The following ZNF576 variants were observed in gnomAD, a reference collection of about 807,000 sequenced individuals.
The protein encoded by ZNF576 is zinc finger protein 576.
In ZNF576, 9 loss-of-function variants were observed where a neutral mutation model predicts 10.8. The observed-to-expected ratio is 0.84, with a 90% CI of 0.50 to 1.46. ZNF576 has a LOEUF of 1.46. Among genes scored for constraint, ZNF576 ranks in the 40% most tolerant of loss-of-function variants. The pLI is 0.00. For synonymous variants in ZNF576, 88 were observed against 89.6 expected (o/e 0.98, Z 0.10); for missense variants, 191 against 233.7 (o/e 0.82, Z 1.19).
chr19:43,598,705 C>T, intron 2 of ZNF576, 126 bp from the exon 3 acceptor site: 1 of 797,584 alleles, frequency 1.3e-6, no homozygotes, highest in South Asian at 1.9e-5. Context: ...GTTTGGTTGT[C>T]CAGCATTAGC....
chr19:43,599,867 G>A lies in ZNF576; in HGVS notation c.*609G>A, dbSNP rs191807924. 3.3e-5 allele frequency: 5 copies of A among 152,308 alleles called. No individual in the cohort carries two copies. The highest frequency in any genetic ancestry group is 4.1e-4 in the South Asian group (2 of 4,834). The allele number at this position is 152,308 out of a possible 1,614,324, so 9.4% of individuals were successfully genotyped here. On this transcript the variant is annotated 3_prime_UTR_variant, in exon 3 of 3. Coordinates refer to ENST00000336564, the MANE Select transcript of ZNF576 (RefSeq NM_001145347.2). ...TGGCACTAGTCCCCCGATAATTTAT[G>A]TCTCGTTGAAATAATTTTGTATATC...
In ZNF576 at chr19:43,599,034, G is replaced by A. The variant is rs758729073; in HGVS notation, c.289G>A (p.Ala97Thr). ...ITHQRSHGPA[A>T]KPTLPVATTT... ...CCACCAGCGCAGCCACGGTCCAGCC[G>A]CCAAGCCCACCCTGCCGGTTGCAAC... Residue 97 changes from alanine to threonine, a missense_variant, in exon 3 of 3, where the codon GCC becomes ACC. Transcript: ENST00000336564. 1.8e-5 allele frequency: 29 copies of A among 1,613,974 alleles called. No individual in the cohort carries two copies. The highest frequency in any genetic ancestry group is 1.2e-4 in the South Asian group (11 of 91,084).
intron 2 of ZNF576, among the ~76,000 whole-genome samples, chr19:43,598,055 G>C (rs773845089): frequency 3.9e-5 from 6 of 152,212 alleles, no homozygotes; most frequent in Non-Finnish European, 8.8e-5. Flanking sequence ...TCTATGATTG[G>C]CTATCGTAAT....
At chr19:43,596,995 G>A in intron 1 of ZNF576, 99 bp from the exon 2 acceptor site, 1 of 922,680 alleles carries the variant, frequency 1.1e-6, no homozygotes, top group East Asian at 2.5e-5. Context: ...GGCAGGCAAG[G>A]AGAGCCTCTG....
rs767448658 is a variant in ZNF576 at position 43,598,921 on chromosome 19, C to A, written c.176C>A (p.Ala59Glu). ...QERHMKREHP[A>E]DFVAQKLQGV... ...CGTCACATGAAGCGGGAGCACCCAG[C>A]GGACTTCGTGGCCCAGAAGCTGCAG... The change falls in exon 3 of 3, where the codon GCG (alanine) becomes GAG (glutamate). Residue 59 changes from alanine to glutamate, a missense_variant. Coordinates refer to ENST00000336564, the MANE Select transcript of ZNF576 (RefSeq NM_001145347.2). The A allele has an allele frequency of 6.2e-7, 1 of 1,613,210 alleles. No homozygotes were observed. Among genetic ancestry groups the A allele is most frequent in the East Asian group, 2.2e-5 (1 of 44,878 alleles).
At position 43,599,098 on chromosome 19, in the gene ZNF576, G is replaced by C; in HGVS notation, c.353G>C (p.Gly118Ala). 6.2e-7 allele frequency: 1 copy of C among 1,614,210 alleles called. No homozygotes were observed. The change falls in exon 3 of 3, where the codon GGC becomes GCC. Residue 118 changes from glycine to alanine, a missense_variant. By Grantham distance (60) the Gly-to-Ala change is moderately conservative (BLOSUM62 0). Transcript: ENST00000336564. ...CCCACCTTCCCTTGTCCTGACTGTG[G>C]CAAGACCTTTGGGCAGGCTGTTTCT... ...AQPTFPCPDC[G>A]KTFGQAVSLR...
At chr19:43,596,495 G>C (rs1973143975), upstream of ZNF576, 1 of 152,372 alleles carries the variant, frequency 6.6e-6, no homozygotes, top group South Asian at 2.0e-4. Flanking sequence ...AACCACGGGG[G>C]CCCTGAGACT....
intron 2 of ZNF576, 43 bp downstream of exon 2, chr19:43,597,236 G>A: frequency 6.4e-7 from 1 of 1,567,500 alleles, no homozygotes. Flanking sequence ...GTGGGGTGCA[G>A]GAGCTGATGC....
rs562198857 is a variant in ZNF576, at chr19:43,597,804, G to C, written c.85+611G>C. ...AAACTGGGAACTGAGGCAGAGAGAG[G>C]TATTTGTAACAAGAGCTGTAGTCTC... On this transcript the variant is annotated intron_variant, in intron 2 of 2. Coordinates refer to ENST00000336564, the MANE Select transcript of ZNF576 (RefSeq NM_001145347.2). Among the ~76,000 whole-genome samples, 287 of 152,224 alleles carry C rather than the reference G, an allele frequency of 1.9e-3. 1 individual carries two copies. Among genetic ancestry groups the C allele is most frequent in the Middle Eastern group, 0.01 (3 of 294 alleles).
chr19:43,597,095 A>C lies in ZNF576; in HGVS notation c.-14A>C, dbSNP rs1458610042. ...TATGCACGCTCCTCTCCTGACTAGA[A>C]GGGTCCCAGCACCATGGAGGACCCG... is the stretch of plus-strand genomic sequence containing the variant. On this transcript the variant is annotated splice_region_variant and 5_prime_UTR_variant, in exon 2 of 3. Coordinates refer to ENST00000336564, the MANE Select transcript of ZNF576 (RefSeq NM_001145347.2). 1.2e-6 allele frequency: 2 copies of C among 1,613,664 alleles called. No individual in the cohort carries two copies. Among genetic ancestry groups the C allele is most frequent in the African/African-American group, 2.7e-5 (2 of 74,894 alleles).
chr19:43,599,290 G>A lies in ZNF576; in HGVS notation c.*32G>A, dbSNP rs1973185123. The stretch of plus-strand genomic sequence containing the variant: ...CTTAAGCCTCTCCACGGTGACGGGT[G>A]GCTCTGTGGCTGGTAGGACTCACCC... On this transcript the variant is annotated 3_prime_UTR_variant, in exon 3 of 3. Coordinates refer to ENST00000336564, the MANE Select transcript of ZNF576 (RefSeq NM_001145347.2). 1.1e-5 allele frequency: 17 copies of A among 1,586,492 alleles called. No homozygotes were observed. Among genetic ancestry groups the A allele is most frequent in the Middle Eastern group, 1.7e-4 (1 of 5,962 alleles).
At chr19:43,597,285 G>C in intron 2 of ZNF576, 92 bp downstream of exon 2, 1 of 1,188,954 alleles carries the variant, frequency 8.4e-7, no homozygotes, top group South Asian at 1.2e-5. Flanking sequence ...AGGCGCCACA[G>C]AGTTTTGCCT....
In ZNF576 at chr19:43,600,068, G is replaced by A. The variant is rs2146106912; in HGVS notation, c.*810G>A. 6.6e-6 allele frequency: 1 copy of A among 152,348 alleles called. No homozygotes were observed. The highest frequency in any genetic ancestry group is 1.9e-4 in the East Asian group (1 of 5,184). 9.4% of individuals were successfully genotyped at this position (152,348 alleles called of 1,614,324 possible). A position where few individuals can be genotyped will look rare whatever the true frequency, so the allele number is the denominator to read the frequency against. On this transcript the variant is annotated 3_prime_UTR_variant, in exon 3 of 3. Coordinates refer to ENST00000336564, the MANE Select transcript of ZNF576 (RefSeq NM_001145347.2). ...GGTGTGGGCAGGTGGGGGAACTCAG[G>A]CCAGAGTTGGCCTCGCTTTGTGGGG... is the stretch of plus-strand genomic sequence containing the variant.
rs1229801927 is a variant in ZNF576, at chr19:43,600,946, C to T, written c.*1688C>T. 1 of 152,146 alleles carries T rather than the reference C, an allele frequency of 6.6e-6. No individual in the cohort carries two copies. The highest frequency in any genetic ancestry group is 1.5e-5 in the Non-Finnish European group (1 of 68,038). 9.4% of individuals were successfully genotyped at this position (152,146 alleles called of 1,614,324 possible). Reference sequence around the variant, plus strand: ...TCAGACCATAAGGATAAGAGCAACACGTGGGAAGACAGAGCAACAAGATAG... The same window carrying T: ...TCAGACCATAAGGATAAGAGCAACATGTGGGAAGACAGAGCAACAAGATAG... On this transcript the variant is annotated 3_prime_UTR_variant, in exon 3 of 3. Coordinates refer to ENST00000336564, the MANE Select transcript of ZNF576 (RefSeq NM_001145347.2).
chr19:43,597,140 A>G lies in ZNF576; in HGVS notation c.32A>G (p.Lys11Arg). 6.2e-7 allele frequency: 1 copy of G among 1,614,096 alleles called. No individual in the cohort carries two copies. The change falls in exon 2 of 3, where the codon AAG (lysine) becomes AGG (arginine). Residue 11 changes from lysine to arginine, a missense_variant. Lys to Arg is a conservative substitution (Grantham distance 26). Coordinates refer to ENST00000336564, the MANE Select transcript of ZNF576 (RefSeq NM_001145347.2). MEDPNPEENM[K>R]QQDSPKERSP... is the part of the protein sequence containing the mutation. ...GACCCGAACCCTGAAGAGAACATGA[A>G]GCAGCAGGATTCACCCAAGGAGAGA... is the stretch of plus-strand genomic sequence containing the variant.
At position 43,598,858 on chromosome 19, in the gene ZNF576, G is replaced by A. The variant is rs2240932; in HGVS notation, c.113G>A (p.Arg38His). ...CACCTGGGGGCCCCGAAGTGCACCC[G>A]CTGCCTCATCACCTTCGCAGATTCC... ...ICHLGAPKCTRCLITFADSKF... is the reference protein window; with the variant it reads ...ICHLGAPKCTHCLITFADSKF... Residue 38 changes from arginine (R) to histidine (H), a missense_variant, in exon 3 of 3, where the codon CGC becomes CAC. Coordinates refer to ENST00000336564, the MANE Select transcript of ZNF576 (RefSeq NM_001145347.2). 1,738 of 1,574,626 alleles carry A rather than the reference G, an allele frequency of 1.1e-3. 15 individuals are homozygous for A. In the East Asian group the frequency reaches 0.022, roughly 20 times the overall value.
chr19:43,598,692 C>T, intron 2 of ZNF576, 139 bp from the exon 3 acceptor site: 1 of 722,966 alleles, frequency 1.4e-6, no homozygotes, highest in Non-Finnish European at 2.3e-6. Context: ...GAACAGTTCT[C>T]CTGTTTGGTT....
rs1973190033 is a variant in ZNF576, at chr19:43,599,654, A to C, written c.*396A>C. Reference sequence around the variant, plus strand: ...CCTGGACCTTTGCCTGAATGGGGGCAGGAAAGGTGAGGTGTTGCTGGCCTG... The same window carrying C: ...CCTGGACCTTTGCCTGAATGGGGGCCGGAAAGGTGAGGTGTTGCTGGCCTG... On this transcript the variant is annotated 3_prime_UTR_variant, in exon 3 of 3. Transcript: ENST00000336564. 5.6e-6 allele frequency: 1 copy of C among 179,602 alleles called. No homozygotes were observed. Among genetic ancestry groups the C allele is most frequent in the Non-Finnish European group, 1.2e-5 (1 of 85,688 alleles). The allele number at this position is 179,602 out of a possible 1,614,324, so 11.1% of individuals were successfully genotyped here. A position where few individuals can be genotyped will look rare whatever the true frequency, so the allele number is the denominator to read the frequency against.
rs1481753290 is a variant in ZNF576, at chr19:43,598,740, C to G, written c.86-91C>G. Reference sequence around the variant, plus strand: ...CATAGAACCTAGCACATAACACATTCAATGTTAATTGTTGGTGTGATTCTG... The same window carrying G: ...CATAGAACCTAGCACATAACACATTGAATGTTAATTGTTGGTGTGATTCTG... On this transcript the variant is annotated intron_variant, in intron 2 of 2. Coordinates refer to ENST00000336564, the MANE Select transcript of ZNF576 (RefSeq NM_001145347.2). 47 of 1,060,748 alleles carry G rather than the reference C, an allele frequency of 4.4e-5. 1 individual carries two copies. In the South Asian group the frequency reaches 6.3e-4, roughly 14 times the overall value. The allele number at this position is 1,060,748 out of a possible 1,614,324, so 65.7% of individuals were successfully genotyped here. A position where few individuals can be genotyped will look rare whatever the true frequency, so the allele number is the denominator to read the frequency against.
Sources: allele counts gnomAD v4.1 joint callset (sites outside exome capture counted in the v4.1 genomes callset), GRCh38; gene constraint gnomAD v4.1.1; transcripts MANE v1.5; gene names NCBI Gene and HGNC (gene_info 2026-07-23, HGNC 2026-07-21).